NOL4: variants seen among roughly 807,000 people sequenced by gnomAD.
The protein encoded by NOL4 is cancer/testis antigen 125.
In NOL4, 17 loss-of-function variants were observed where a neutral mutation model predicts 75.9. The observed-to-expected ratio is 0.22, with a 90% CI of 0.15 to 0.34. The LOEUF (loss-of-function observed/expected upper bound fraction) is 0.34, where lower values mean the gene tolerates loss of function less well. Among genes scored for constraint, NOL4 ranks in the 10% least tolerant of loss-of-function variants. The pLI is 1.00. For missense variants in NOL4, 614 were observed against 793.5 expected (o/e 0.77, Z 2.72); for synonymous variants, 292 against 289.9 (o/e 1.01, Z -0.07).
At chr18:34,173,016 C>G (rs1359131551) in intron 1 of NOL4, among the ~76,000 whole-genome samples, 1 of 151,996 alleles carries the variant, frequency 6.6e-6, no homozygotes, top group African/African-American at 2.4e-5. Flanking sequence ...TTTGATGTAG[C>G]CTGCCTTGCC....
At chr18:34,053,170 A>C (rs2076693973) in intron 5 of NOL4, among the ~76,000 whole-genome samples, 1 of 152,078 alleles carries the variant, frequency 6.6e-6, no homozygotes, top group Non-Finnish European at 1.5e-5. Context: ...AGATGGTAGC[A>C]ATGATGTAAG....
At chr18:34,097,683 A>G (rs183030530) in intron 4 of NOL4, among the ~76,000 whole-genome samples, 1 of 152,310 alleles carries the variant, frequency 6.6e-6, no homozygotes, top group East Asian at 1.9e-4. Context: ...ACATGTGACT[A>G]ATGACTACCA....
At chr18:34,059,505 C>G (rs2076982272) in intron 5 of NOL4, among the ~76,000 whole-genome samples, 1 of 152,016 alleles carries the variant, frequency 6.6e-6, no homozygotes, top group South Asian at 2.1e-4. Context: ...CTGAATGCAC[C>G]CAGATTGATA....
In NOL4 at chr18:34,201,373, A is replaced by C. The variant is rs1295306361; in HGVS notation, c.264+21617T>G. 2.0e-5 allele frequency among the ~76,000 whole-genome samples: 3 copies of C among 151,806 alleles called. No homozygotes were observed. The South Asian group carries it at 6.2e-4, about 31-fold the overall frequency. Reference sequence around the variant, plus strand: ...TTGCCACAAGTCCCACAGCCAACACATGACAGAGCTGGAAATAAAACTAAG... The same window carrying C: ...TTGCCACAAGTCCCACAGCCAACACCTGACAGAGCTGGAAATAAAACTAAG... On this transcript the variant is annotated intron_variant, in intron 1 of 10. Transcript: ENST00000261592.
chr18:33,962,332 A>C (rs1400319390), intron 6 of NOL4, among the ~76,000 whole-genome samples: 1 of 152,228 alleles, frequency 6.6e-6, no homozygotes, highest in Non-Finnish European at 1.5e-5. Context: ...TTAACAATAT[A>C]GATTTCACAC....
chr18:34,067,482 G>T (rs1266083813), intron 5 of NOL4, among the ~76,000 whole-genome samples: 1 of 152,146 alleles, frequency 6.6e-6, no homozygotes, highest in Non-Finnish European at 1.5e-5. Context: ...AAATACAAGA[G>T]TAGAAGCAAG....
intron 1 of NOL4, among the ~76,000 whole-genome samples, chr18:34,152,199 G>A (rs968693090): frequency 1.3e-5 from 2 of 151,704 alleles, no homozygotes. Context: ...CAACTAGAAA[G>A]AATGACTAAT....
intron 10 of NOL4, among the ~76,000 whole-genome samples, chr18:33,863,753 C>G (rs1374150304): frequency 1.3e-5 from 2 of 152,132 alleles, no homozygotes; most frequent in Admixed American, 1.3e-4. Context: ...TGGTGGCCCT[C>G]TTCTAGGCAG....
intron 1 of NOL4, among the ~76,000 whole-genome samples, chr18:34,175,467 C>T (rs1231207859): frequency 6.6e-6 from 1 of 152,136 alleles, no homozygotes. Flanking sequence ...ATTCTTGAAA[C>T]TCTGCAGCAT....
At chr18:34,006,825 G>A (rs183957228) in intron 6 of NOL4, among the ~76,000 whole-genome samples, 2 of 152,112 alleles carry the variant, frequency 1.3e-5, no homozygotes, top group African/African-American at 2.4e-5. Context: ...TGCCAGCTAG[G>A]TGTGAATACC....
At chr18:33,955,124 G>A (rs774135224) in intron 8 of NOL4, among the ~76,000 whole-genome samples, 12 of 152,022 alleles carry the variant, frequency 7.9e-5, no homozygotes, top group Non-Finnish European at 1.5e-4. Context: ...CTCATGTTGC[G>A]TGAAGAATAT....
intron 6 of NOL4, among the ~76,000 whole-genome samples, chr18:33,980,798 T>C (rs1354352124): frequency 6.6e-6 from 1 of 151,854 alleles, no homozygotes; most frequent in Non-Finnish European, 1.5e-5. Flanking sequence ...CTAACAAAAA[T>C]TTACAAAGCA....
At chr18:33,991,381 T>C (rs144181854) in intron 6 of NOL4, among the ~76,000 whole-genome samples, 220 of 152,246 alleles carry the variant, frequency 1.4e-3, no homozygotes, top group Middle Eastern at 3.4e-3. Flanking sequence ...AATATAATGG[T>C]AGAAATAATA....
At position 34,035,341 on chromosome 18, in the gene NOL4, T is replaced by A. The variant is rs376862950; in HGVS notation, c.773-15740A>T. On this transcript the variant is annotated intron_variant, in intron 5 of 10. Coordinates refer to ENST00000261592, the MANE Select transcript of NOL4 (RefSeq NM_003787.5). ...TGGAAACTTATAAATAGTTGGAAATTAAACAATATACTCCTGAACAACCAC... is the reference window on the plus strand; with the variant it reads ...TGGAAACTTATAAATAGTTGGAAATAAAACAATATACTCCTGAACAACCAC... Among the ~76,000 whole-genome samples the A allele has an allele frequency of 3.3e-5, 5 of 152,240 alleles. No homozygotes were observed. The East Asian group carries it at 9.6e-4, about 29-fold the overall frequency.
intron 5 of NOL4, among the ~76,000 whole-genome samples, chr18:34,071,005 T>C (rs1373241200): frequency 6.6e-6 from 1 of 152,122 alleles, no homozygotes; most frequent in Non-Finnish European, 1.5e-5. Flanking sequence ...AAGTTACAGT[T>C]AGGAGAAATA....
intron 1 of NOL4, among the ~76,000 whole-genome samples, chr18:34,154,893 C>T (rs2030071949): frequency 6.6e-6 from 1 of 151,940 alleles, no homozygotes; most frequent in South Asian, 2.1e-4. Context: ...CTGATGACTA[C>T]TGAGGTTGTG....
At chr18:34,125,670 T>G (rs1332116971) in intron 2 of NOL4, among the ~76,000 whole-genome samples, 1 of 152,182 alleles carries the variant, frequency 6.6e-6, no homozygotes, top group Non-Finnish European at 1.5e-5. Flanking sequence ...GGAGTAAGGC[T>G]GTAGAGATTC....
intron 9 of NOL4, among the ~76,000 whole-genome samples, chr18:33,940,635 C>T (rs1212740796): frequency 6.6e-6 from 1 of 151,828 alleles, no homozygotes; most frequent in Non-Finnish European, 1.5e-5. Context: ...CACCATGGCA[C>T]ATGTATACCT....
At chr18:34,062,529 C>A (rs1188958928) in intron 5 of NOL4, among the ~76,000 whole-genome samples, 1 of 152,044 alleles carries the variant, frequency 6.6e-6, no homozygotes, top group Non-Finnish European at 1.5e-5. Flanking sequence ...AAGTGTATAA[C>A]ATGCAGCAGC....
Sources: allele counts gnomAD v4.1 joint callset (sites outside exome capture counted in the v4.1 genomes callset), GRCh38; gene constraint gnomAD v4.1.1; transcripts MANE v1.5; gene names NCBI Gene and HGNC (gene_info 2026-07-23, HGNC 2026-07-21).